Variants in SYT14 observed in about 807,000 individuals in gnomAD.
SYT14 encodes synaptotagmin-14.
A neutral mutation model predicts 74.2 loss-of-function variants in SYT14; 32 were observed. That is an observed-to-expected ratio of 0.43 (90% CI 0.33 to 0.58). The LOEUF is 0.58. Among genes scored for constraint, SYT14 ranks in the 20% least tolerant of loss-of-function variants. The pLI is 0.05. For synonymous variants in SYT14, 298 were observed against 337.7 expected (o/e 0.88, Z 1.29); for missense variants, 791 against 981.8 (o/e 0.81, Z 2.60).
intron 7 of SYT14, among the ~76,000 whole-genome samples, chr1:210,108,993 G>A (rs915674579): frequency 2.0e-5 from 3 of 152,028 alleles, no homozygotes; most frequent in Non-Finnish European, 4.4e-5. Flanking sequence ...TACTGGAGAG[G>A]GATAATTTTC....
At chr1:210,156,779 C>T (rs540270844) in intron 8 of SYT14, 221 of 198,356 alleles carry the variant, frequency 1.1e-3, no homozygotes, top group African/African-American at 4.7e-3. Flanking sequence ...CTGAAACCTC[C>T]GCCTCCAGGT....
exon 10 of SYT14, chr1:210,160,920 A>G (rs750995411): frequency 1.2e-6 from 2 of 1,614,018 alleles, no homozygotes; most frequent in South Asian, 2.2e-5. Context: ...AAGAAAAGAG[A>G]TGATAGGCTG....
chr1:209,994,952 T>C (rs1226057542), intron 2 of SYT14, among the ~76,000 whole-genome samples: 1 of 152,182 alleles, frequency 6.6e-6, no homozygotes, highest in African/African-American at 2.4e-5. Context: ...CTGAGGAAAT[T>C]TGTTTCAACT....
intron 7 of SYT14, among the ~76,000 whole-genome samples, chr1:210,108,990 G>T (rs2082209636): frequency 6.6e-6 from 1 of 152,148 alleles, no homozygotes; most frequent in Non-Finnish European, 1.5e-5. Context: ...AATTACTGGA[G>T]AGGGATAATT....
intron 7 of SYT14, among the ~76,000 whole-genome samples, chr1:210,134,274 T>TA (rs1230398068): frequency 1.3e-5 from 2 of 151,980 alleles, no homozygotes; most frequent in East Asian, 3.9e-4. Context: ...GGCTAATTTT[T>TA]AAAATTTTTT....
At chr1:210,030,693 A>T (rs974467512) in intron 5 of SYT14, among the ~76,000 whole-genome samples, 1 of 152,088 alleles carries the variant, frequency 6.6e-6, no homozygotes, top group Admixed American at 6.5e-5. Context: ...TCAGTCTTTT[A>T]TCATTGAGTA....
intron 2 of SYT14, among the ~76,000 whole-genome samples, chr1:210,012,176 A>T (rs1308721542): frequency 1.3e-5 from 2 of 152,208 alleles, no homozygotes; most frequent in Non-Finnish European, 2.9e-5. Context: ...AAATATAATC[A>T]TAGAGTCCAT....
chr1:209,964,040 C>G (rs974962007), intron 2 of SYT14, among the ~76,000 whole-genome samples: 2 of 152,182 alleles, frequency 1.3e-5, no homozygotes, highest in African/African-American at 4.8e-5. Flanking sequence ...TGGTTTGGCT[C>G]TGTGTCCCCA....
chr1:209,995,026 A>T (rs1015668277), intron 2 of SYT14, among the ~76,000 whole-genome samples: 1 of 152,218 alleles, frequency 6.6e-6, no homozygotes, highest in African/African-American at 2.4e-5. Context: ...ACAATATCTG[A>T]TACCACAAAA....
At chr1:210,013,573 T>C (rs2080126337) in intron 2 of SYT14, 60 bp from the exon 3 acceptor site, 1 of 1,511,494 alleles carries the variant, frequency 6.6e-7, no homozygotes, top group African/African-American at 1.4e-5. Context: ...TGGGGTTTCC[T>C]TCTTATTTGT....
intron 5 of SYT14, among the ~76,000 whole-genome samples, chr1:210,039,804 G>C (rs2080747678): frequency 6.6e-6 from 1 of 152,166 alleles, no homozygotes; most frequent in Non-Finnish European, 1.5e-5. Context: ...CGTTATTAGA[G>C]AAATGCAAAT....
chr1:210,035,496 A>G (rs954600076), intron 5 of SYT14, among the ~76,000 whole-genome samples: 6 of 151,918 alleles, frequency 3.9e-5, no homozygotes, highest in Admixed American at 2.6e-4. Context: ...GTCTAGGCCA[A>G]TGTCTAGAGG....
At chr1:210,094,881 C>A (rs1344234835) in intron 6 of SYT14, among the ~76,000 whole-genome samples, 1 of 151,918 alleles carries the variant, frequency 6.6e-6, no homozygotes, top group Non-Finnish European at 1.5e-5. Context: ...AATAATTTAC[C>A]TGTTTATTTC....
intron 2 of SYT14, among the ~76,000 whole-genome samples, chr1:210,006,407 C>T (rs1379252615): frequency 6.6e-6 from 1 of 151,782 alleles, no homozygotes; most frequent in Non-Finnish European, 1.5e-5. Flanking sequence ...TCTCTATGTC[C>T]AAACCCAGAG....
At chr1:209,992,372 C>G (rs1442462449) in intron 2 of SYT14, among the ~76,000 whole-genome samples, 1 of 152,162 alleles carries the variant, frequency 6.6e-6, no homozygotes, top group African/African-American at 2.4e-5. Flanking sequence ...GAAATCTTGT[C>G]TTTTGCAGCA....
intron 5 of SYT14, among the ~76,000 whole-genome samples, chr1:210,040,986 T>A (rs1486693067): frequency 3.3e-5 from 5 of 152,130 alleles, no homozygotes; most frequent in Non-Finnish European, 7.4e-5. Flanking sequence ...ACCAATATGG[T>A]GCCTGTGGTG....
chr1:210,022,433 T>TG (rs2080323847), intron 5 of SYT14, among the ~76,000 whole-genome samples: 1 of 152,204 alleles, frequency 6.6e-6, no homozygotes, highest in South Asian at 2.1e-4. Context: ...AAATAAGACA[T>TG]GTGCTTACTA....
chr1:209,940,536 T>C (rs2078713907), intron 1 of SYT14, among the ~76,000 whole-genome samples: 1 of 152,180 alleles, frequency 6.6e-6, no homozygotes, highest in Non-Finnish European at 1.5e-5. Context: ...AAGAGATGGA[T>C]CATCTTTCCT....
intron 5 of SYT14, among the ~76,000 whole-genome samples, chr1:210,059,439 T>TAG (rs1394279839): frequency 1.7e-4 from 16 of 92,776 alleles, no homozygotes; most frequent in South Asian, 3.6e-4. Context: ...TATATATATA[T>TAG]ATATATATAT....
Sources: gnomAD v4.1 joint callset for allele counts (sites outside exome capture counted in the v4.1 genomes callset) on GRCh38, gnomAD v4.1.1 for gene constraint, MANE v1.5 for transcripts, NCBI Gene and HGNC (gene_info 2026-07-23, HGNC 2026-07-21) for gene names.